ITIH5: variants seen among roughly 807,000 people sequenced by gnomAD.
The protein encoded by ITIH5 is inter-alpha-trypsin inhibitor heavy chain 5, also known as inter-alpha-trypsin inhibitor heavy chain H5.
ITIH5 carries 65 observed loss-of-function variants against 77.5 expected under a neutral mutation model. The observed-to-expected ratio is 0.84, with a 90% CI of 0.69 to 1.03. ITIH5 has a LOEUF of 1.03. Ranked by LOEUF, ITIH5 falls within the 50% of genes least tolerant of loss-of-function variation. The probability of loss-of-function intolerance (pLI) is 0.00; values close to 1 mark genes in which losing one functional copy is unlikely to be tolerated. For missense variants in ITIH5, 1,208 were observed against 1,213.1 expected (o/e 1.00, Z 0.06); for synonymous variants, 525 against 494.3 (o/e 1.06, Z -0.82).
intron 13 of ITIH5, among the ~76,000 whole-genome samples, chr10:7,564,983 GTTCA>G (rs1832112613): frequency 7.8e-6 from 1 of 127,888 alleles, no homozygotes; most frequent in East Asian, 2.2e-4. Context: ...ATACACACAC[GTTCA>G]TACATATAGA....
chr10:7,566,450 C>T (rs762352784), intron 12 of ITIH5, 43 bp from the exon 13 acceptor site: 3 of 1,551,258 alleles, frequency 1.9e-6, no homozygotes, highest in East Asian at 2.3e-5. Flanking sequence ...AAAATCTGAC[C>T]AGGAGTGGTG....
chr10:7,596,868 C>G (rs183103048), intron 7 of ITIH5, among the ~76,000 whole-genome samples: 8 of 151,616 alleles, frequency 5.3e-5, no homozygotes, highest in African/African-American at 1.9e-4. Context: ...GCCAACGTGG[C>G]AAAACCCCGT....
intron 2 of ITIH5, among the ~76,000 whole-genome samples, chr10:7,655,107 T>C (rs1358149157): frequency 6.6e-6 from 1 of 152,184 alleles, no homozygotes; most frequent in Non-Finnish European, 1.5e-5. Flanking sequence ...TCTAAAGGCA[T>C]GTCTCTACAT....
chr10:7,592,415 A>G (rs1832810772), intron 7 of ITIH5, among the ~76,000 whole-genome samples: 1 of 152,174 alleles, frequency 6.6e-6, no homozygotes. Flanking sequence ...TAAACAAATA[A>G]GACAGCGACA....
chr10:7,644,790 CA>C (rs1833971767), intron 2 of ITIH5, among the ~76,000 whole-genome samples: 1 of 105,148 alleles, frequency 9.5e-6, no homozygotes, highest in South Asian at 3.1e-4. Context: ...ACATATATAT[CA>C]TATATATCAT....
At chr10:7,566,481 C>G (rs986449596) in intron 12 of ITIH5, 74 bp from the exon 13 acceptor site, 11 of 1,453,596 alleles carry the variant, frequency 7.6e-6, no homozygotes, top group Non-Finnish European at 1.0e-5. Flanking sequence ...GTAATCCCAG[C>G]ACTTAGAAGG....
intron 7 of ITIH5, among the ~76,000 whole-genome samples, chr10:7,608,238 T>G (rs1330832111): frequency 6.6e-6 from 1 of 152,322 alleles, no homozygotes; most frequent in East Asian, 1.9e-4. Context: ...TCCTCCAGGC[T>G]GCTCGGTGAA....
At chr10:7,609,694 A>T (rs527386307) in intron 7 of ITIH5, among the ~76,000 whole-genome samples, 1 of 152,356 alleles carries the variant, frequency 6.6e-6, no homozygotes, top group South Asian at 2.1e-4. Flanking sequence ...AGAAAGGAAG[A>T]CAAGCTTCAA....
chr10:7,562,729 C>A lies in ITIH5; in HGVS notation c.*354G>T. On this transcript the variant is annotated 3_prime_UTR_variant, in exon 14 of 14. Transcript: ENST00000397146. The stretch of plus-strand genomic sequence containing the variant: ...AAAAAGTTTCATAGCAACCTTCCTT[C>A]ACCAGAAAGGCTTACTTTATGATAT... The A allele has an allele frequency of 4.6e-6, 1 of 216,606 alleles. No homozygotes were observed. The highest frequency in any genetic ancestry group is 2.2e-5 in the African/African-American group (1 of 44,574). The allele number at this position is 216,606 out of a possible 1,614,324, so 13.4% of individuals were successfully genotyped here.
intron 5 of ITIH5, among the ~76,000 whole-genome samples, chr10:7,630,381 T>C (rs890844634): frequency 6.6e-6 from 1 of 152,238 alleles, no homozygotes; most frequent in African/African-American, 2.4e-5. Context: ...TCTCTTAACT[T>C]GCTCGTTTTA....
chr10:7,633,048 G>A (rs1382995209), intron 5 of ITIH5, among the ~76,000 whole-genome samples: 1 of 152,156 alleles, frequency 6.6e-6, no homozygotes, highest in Non-Finnish European at 1.5e-5. Flanking sequence ...ATACCAATGA[G>A]AATATACCTT....
rs372886134 is a variant in ITIH5 at position 7,576,478 on chromosome 10, G to A, written c.1953C>T (p.Ser651=). ...CTGGCTGCGTGCCAGCTCCTCGCAC[G>A]CTCTGCACCACCGGTTCGGGTCCCA... ...AAMGPEPVVQ[S]VRGAGTQPGP... Residue 651 remains serine (S), a synonymous_variant, in exon 10 of 14, where the codon AGC becomes AGT. Transcript: ENST00000397146. The A allele has an allele frequency of 1.4e-4, 226 of 1,605,230 alleles. 2 individuals are homozygous for A. In the East Asian group the frequency reaches 2.3e-3, roughly 16 times the overall value.
At chr10:7,613,461 A>C (rs1322938189) in intron 7 of ITIH5, among the ~76,000 whole-genome samples, 1 of 152,180 alleles carries the variant, frequency 6.6e-6, no homozygotes, top group Non-Finnish European at 1.5e-5. Context: ...CAAAGTTTGG[A>C]TTTCGCAGAC....
intron 8 of ITIH5, among the ~76,000 whole-genome samples, chr10:7,582,096 T>G (rs145263443): frequency 6.6e-6 from 1 of 151,930 alleles, no homozygotes; most frequent in Non-Finnish European, 1.5e-5. Flanking sequence ...AGGCTGGTCT[T>G]GATTTCCTGA....
intron 10 of ITIH5, 135 bp downstream of exon 10, chr10:7,576,318 C>T (rs1369034031): frequency 1.2e-6 from 1 of 823,884 alleles, no homozygotes; most frequent in Non-Finnish European, 1.8e-6. Context: ...GCTACTATAC[C>T]CGGTCTGGGT....
At position 7,576,355 on chromosome 10, in the gene ITIH5, T is replaced by C. The variant is rs1832413549; in HGVS notation, c.1978+98A>G. 2.8e-6 allele frequency: 3 copies of C among 1,064,278 alleles called. No individual in the cohort carries two copies. In the African/African-American group the frequency reaches 4.8e-5, roughly 17 times the overall value. The allele number at this position is 1,064,278 out of a possible 1,614,324, so 65.9% of individuals were successfully genotyped here. A position where few individuals can be genotyped will look rare whatever the true frequency, so the allele number is the denominator to read the frequency against. ...ATTGTTTATAAGTATTATAGCAAGATGGAATAACACAGCTTCCTGCTGGGG... is the reference window on the plus strand; with the variant it reads ...ATTGTTTATAAGTATTATAGCAAGACGGAATAACACAGCTTCCTGCTGGGG... On this transcript the variant is annotated intron_variant, in intron 10 of 13. Coordinates refer to ENST00000397146, the MANE Select transcript of ITIH5 (RefSeq NM_030569.7).
At chr10:7,625,400 G>A (rs533234140) in intron 5 of ITIH5, among the ~76,000 whole-genome samples, 20 of 152,246 alleles carry the variant, frequency 1.3e-4, no homozygotes, top group Admixed American at 3.3e-4. Context: ...GTTTCAGTTT[G>A]GGAGATGGAA....
At chr10:7,636,759 T>TA (rs990401202) in intron 5 of ITIH5, among the ~76,000 whole-genome samples, 257 of 149,006 alleles carry the variant, frequency 1.7e-3, no homozygotes, top group Non-Finnish European at 2.8e-3. Context: ...TTATTTTTAA[T>TA]AAAAAAAAAA....
chr10:7,579,303 A>G (rs1418767320), intron 9 of ITIH5, among the ~76,000 whole-genome samples: 1 of 152,226 alleles, frequency 6.6e-6, no homozygotes, highest in Non-Finnish European at 1.5e-5. Flanking sequence ...AGGCGGGCAG[A>G]TCACCTGAGG....
Sources: gnomAD v4.1 joint callset for allele counts (sites outside exome capture counted in the v4.1 genomes callset) on GRCh38, gnomAD v4.1.1 for gene constraint, MANE v1.5 for transcripts, NCBI Gene and HGNC (gene_info 2026-07-23, HGNC 2026-07-21) for gene names.